Variants in SMYD3 observed in about 807,000 individuals in gnomAD.
SMYD3 encodes the protein SET and MYND domain containing 3.
In SMYD3, 36 loss-of-function variants were observed where a neutral mutation model predicts 57.7. The observed-to-expected ratio is 0.62, with a 90% CI of 0.48 to 0.82. The LOEUF (loss-of-function observed/expected upper bound fraction) is 0.82, where lower values mean the gene tolerates loss of function less well. Among genes scored for constraint, SMYD3 ranks in the 40% least tolerant of loss-of-function variants. SMYD3 has a pLI of 0.00. For synonymous variants in SMYD3, 211 were observed against 195.0 expected, an observed-to-expected ratio of 1.08 and a Z score of -0.68; for missense variants, 515 against 538.8, an observed-to-expected ratio of 0.96 and a Z score of 0.44.
intron 10 of SMYD3, among the ~76,000 whole-genome samples, chr1:245,769,248 C>T (rs920808547): frequency 6.6e-6 from 1 of 152,172 alleles, no homozygotes; most frequent in Non-Finnish European, 1.5e-5. Flanking sequence ...ATCCACTGAT[C>T]AATCTTAGCA....
intron 8 of SMYD3, among the ~76,000 whole-genome samples, chr1:245,865,636 G>T (rs1482058011): frequency 6.6e-6 from 1 of 152,230 alleles, no homozygotes; most frequent in African/African-American, 2.4e-5. Context: ...TGCTCAGCAA[G>T]TCCTGCTTAT....
At chr1:246,256,748 G>C (rs566465389) in intron 5 of SMYD3, among the ~76,000 whole-genome samples, 1 of 151,292 alleles carries the variant, frequency 6.6e-6, no homozygotes, top group African/African-American at 2.4e-5. Context: ...AGTTCCTTTA[G>C]GTGTAGTATT....
intron 5 of SMYD3, among the ~76,000 whole-genome samples, chr1:246,149,059 C>T (rs1467707308): frequency 6.6e-6 from 1 of 152,184 alleles, no homozygotes; most frequent in Admixed American, 6.5e-5. Context: ...AGAATCATTT[C>T]TCGAAAGAAA....
At chr1:245,959,598 A>G (rs2057947225) in intron 5 of SMYD3, among the ~76,000 whole-genome samples, 2 of 152,086 alleles carry the variant, frequency 1.3e-5, no homozygotes, top group African/African-American at 4.8e-5. Context: ...GTGCTAAGAG[A>G]ATTGCCTTAT....
Position 245,978,122 on chromosome 1 carries a change from G to A in SMYD3, c.532-48185C>T, listed in dbSNP as rs144080003. Among the ~76,000 whole-genome samples, 723 of 152,286 alleles carry A rather than the reference G, an allele frequency of 4.7e-3. 4 individuals carry two copies. Among genetic ancestry groups the A allele is most frequent in the African/African-American group, 0.016 (657 of 41,546 alleles). On this transcript the variant is annotated intron_variant, in intron 5 of 11. Coordinates refer to ENST00000490107, the MANE Select transcript of SMYD3 (RefSeq NM_001167740.2). ...AGGAGCTGAGTGAACATGGGCAGAAGGAATCGTGAAGTAAACGCTTCCAAG... is the reference window on the plus strand; with the variant it reads ...AGGAGCTGAGTGAACATGGGCAGAAAGAATCGTGAAGTAAACGCTTCCAAG...
chr1:246,342,082 C>T (rs2065640438), intron 2 of SMYD3, among the ~76,000 whole-genome samples: 1 of 152,160 alleles, frequency 6.6e-6, no homozygotes, highest in Non-Finnish European at 1.5e-5. Flanking sequence ...GTTAGGCTTA[C>T]AATCATTGAA....
chr1:246,218,450 C>T lies in SMYD3; in HGVS notation c.531+108751G>A, dbSNP rs553418489. On this transcript the variant is annotated intron_variant, in intron 5 of 11. Coordinates refer to ENST00000490107, the MANE Select transcript of SMYD3 (RefSeq NM_001167740.2). ...CATCCTGGCTAACACGGTGAAACCC[C>T]GTCTCTACTAAAAATACAAAAAATT... Among the ~76,000 whole-genome samples, 228 of 152,074 alleles carry T rather than the reference C, an allele frequency of 1.5e-3. 1 individual carries two copies. The highest frequency in any genetic ancestry group is 0.01 in the Middle Eastern group (3 of 294).
chr1:246,202,585 G>A lies in SMYD3; in HGVS notation c.531+124616C>T, dbSNP rs767870947. On this transcript the variant is annotated intron_variant, in intron 5 of 11. Coordinates refer to ENST00000490107, the MANE Select transcript of SMYD3 (RefSeq NM_001167740.2). The surrounding 1 kb of genome is among the most constrained non-coding windows in gnomAD (Gnocchi z 4.1). Reference sequence around the variant, plus strand: ...CCATCACCATCTCCCTCAAATCATCGAAATGTGACGTATTAAATCCACGCA... The same window carrying A: ...CCATCACCATCTCCCTCAAATCATCAAAATGTGACGTATTAAATCCACGCA... Among the ~76,000 whole-genome samples the A allele has an allele frequency of 3.9e-5, 6 of 152,218 alleles. No homozygotes were observed. In the South Asian group the frequency reaches 6.2e-4, roughly 16 times the overall value.
Position 246,326,283 on chromosome 1 carries a change from G to A in SMYD3, c.531+918C>T, listed in dbSNP as rs2065346767. 5.2e-6 allele frequency: 3 copies of A among 579,094 alleles called. No individual in the cohort carries two copies. In the South Asian group the frequency reaches 7.0e-5, roughly 13 times the overall value. 35.9% of individuals were successfully genotyped at this position (579,094 alleles called of 1,614,324 possible). ...AATTGTGATCAACATTAAAACAAAT[G>A]CAAACACACAATGTGAGAAAGCGAG... On this transcript the variant is annotated intron_variant, in intron 5 of 11. Transcript: ENST00000490107.
intron 5 of SMYD3, among the ~76,000 whole-genome samples, chr1:246,027,907 A>G (rs2059604715): frequency 6.6e-6 from 1 of 152,254 alleles, no homozygotes. Context: ...ACTATTCCAG[A>G]CACCATTAGG....
chr1:245,825,177 G>A (rs2049413700), intron 10 of SMYD3, among the ~76,000 whole-genome samples: 1 of 152,112 alleles, frequency 6.6e-6, no homozygotes, highest in African/African-American at 2.4e-5. Context: ...ATTAAAGGAA[G>A]AAATTCCACC....
At chr1:246,010,518 G>A (rs756336701) in intron 5 of SMYD3, among the ~76,000 whole-genome samples, 23 of 152,118 alleles carry the variant, frequency 1.5e-4, no homozygotes, top group Non-Finnish European at 3.2e-4. Flanking sequence ...TACTACTTTG[G>A]TTTACTTAAA....
chr1:246,101,421 C>T (rs2061013937), intron 5 of SMYD3, among the ~76,000 whole-genome samples: 1 of 152,114 alleles, frequency 6.6e-6, no homozygotes, highest in African/African-American at 2.4e-5. Context: ...CACAAAATGG[C>T]TGTTCCTTCA....
chr1:246,490,577 G>A (rs1029783363), intron 1 of SMYD3, among the ~76,000 whole-genome samples: 9 of 152,124 alleles, frequency 5.9e-5, no homozygotes, highest in Admixed American at 2.0e-4. Context: ...AAATTCCACC[G>A]ACCAATCGCT....
At chr1:246,272,424 G>A (rs2064239396) in intron 5 of SMYD3, among the ~76,000 whole-genome samples, 1 of 152,122 alleles carries the variant, frequency 6.6e-6, no homozygotes, top group Non-Finnish European at 1.5e-5. Context: ...TTTCATATAT[G>A]GCTTTTACTA....
intron 5 of SMYD3, among the ~76,000 whole-genome samples, chr1:246,112,625 C>A (rs1448041800): frequency 6.6e-6 from 1 of 152,072 alleles, no homozygotes; most frequent in Non-Finnish European, 1.5e-5. Flanking sequence ...AGAATTTACA[C>A]CGTGAATAAT....
chr1:246,046,796 A>C (rs1049525391), intron 5 of SMYD3, among the ~76,000 whole-genome samples: 1 of 151,538 alleles, frequency 6.6e-6, no homozygotes, highest in Admixed American at 6.6e-5. Context: ...CTAATAAGAG[A>C]ATGTACTTAG....
chr1:245,993,631 T>TAGATAGATAGACAGAC, intron 5 of SMYD3, among the ~76,000 whole-genome samples: 1 of 120,138 alleles, frequency 8.3e-6, no homozygotes, highest in East Asian at 2.6e-4. Context: ...GATAGATAGA[T>TAGATAGATAGACAGAC]AGACAGACAG....
rs908317826 is a variant in SMYD3, at chr1:246,254,339, C to T, written c.531+72862G>A. Among the ~76,000 whole-genome samples the T allele has an allele frequency of 4.6e-5, 7 of 152,168 alleles. No individual in the cohort carries two copies. In the South Asian group the frequency reaches 8.3e-4, roughly 18 times the overall value. ...TAAGATGAAAGGTAAGGGTCCAGTT[C>T]CATTCTTCTGCCTATGGCTGGCAAG... On this transcript the variant is annotated intron_variant, in intron 5 of 11. Coordinates refer to ENST00000490107, the MANE Select transcript of SMYD3 (RefSeq NM_001167740.2).
Sources: allele counts gnomAD v4.1 joint callset (sites outside exome capture counted in the v4.1 genomes callset), GRCh38; gene constraint gnomAD v4.1.1; non-coding constraint Gnocchi (gnomAD v3.1); transcripts MANE v1.5; gene names NCBI Gene and HGNC (gene_info 2026-07-23, HGNC 2026-07-21).